Variants in TENM3 observed in about 807,000 individuals in gnomAD.
The protein encoded by TENM3 is teneurin transmembrane protein 3.
Under a neutral mutation model 255.1 loss-of-function variants are expected in TENM3, and 63 were observed. The ratio of observed to expected loss-of-function variants is 0.25; its 90% CI spans 0.20 to 0.30. The LOEUF is 0.30. Among genes scored for constraint, TENM3 ranks in the 10% least tolerant of loss-of-function variants. The pLI is 1.00. For synonymous variants in TENM3, 1,306 were observed against 1,322.3 expected, an observed-to-expected ratio of 0.99 and a Z score of 0.27; for missense variants, 2,929 against 3,461.1, an observed-to-expected ratio of 0.85 and a Z score of 3.86.
intron 1 of TENM3, among the ~76,000 whole-genome samples, chr4:182,226,879 T>C (rs147407846): frequency 1.6e-4 from 24 of 152,334 alleles, no homozygotes; most frequent in African/African-American, 5.8e-4. Flanking sequence ...GATATTCACC[T>C]GACCCATACA....
intron 5 of TENM3, among the ~76,000 whole-genome samples, chr4:182,643,619 G>T (rs1752499950): frequency 6.6e-6 from 1 of 152,152 alleles, no homozygotes; most frequent in Non-Finnish European, 1.5e-5. Flanking sequence ...CCAGAATTCA[G>T]ACAGGGACTC....
chr4:181,712,679 A>G, the TENM3 span, among the ~76,000 whole-genome samples: 2 of 152,224 alleles, frequency 1.3e-5, no homozygotes, highest in African/African-American at 4.8e-5. Context: ...GATAGAATTA[A>G]TAAGTGCAGT....
intron 3 of TENM3, among the ~76,000 whole-genome samples, chr4:182,482,044 A>G (rs73872412): frequency 0.023 from 3,570 of 152,264 alleles, 138 homozygotes; most frequent in African/African-American, 0.079. Flanking sequence ...TTTAAATGCA[A>G]TGTTAATTAA....
chr4:181,691,588 TG>T, the TENM3 span, among the ~76,000 whole-genome samples: 94 of 152,236 alleles, frequency 6.2e-4, no homozygotes, highest in African/African-American at 2.0e-3. Flanking sequence ...ATAGGGTAAA[TG>T]GGTTTTATAC....
chr4:182,264,383 T>C lies in TENM3; in HGVS notation c.-76+20907T>C, dbSNP rs189508792. Reference sequence around the variant, plus strand: ...CACGTTGTTTTATGTCCTTGGGAACTTTACATTTTAACCACGTGGCGGTAC... The same window carrying C: ...CACGTTGTTTTATGTCCTTGGGAACCTTACATTTTAACCACGTGGCGGTAC... On this transcript the variant is annotated intron_variant, in intron 1 of 27. Coordinates refer to ENST00000511685, the MANE Select transcript of TENM3 (RefSeq NM_001080477.4). 3.3e-5 allele frequency among the ~76,000 whole-genome samples: 5 copies of C among 152,354 alleles called. No homozygotes were observed. In the East Asian group the frequency reaches 9.6e-4, roughly 29 times the overall value.
At chr4:182,732,033 G>A (rs1052151227) in intron 16 of TENM3, among the ~76,000 whole-genome samples, 68 of 151,830 alleles carry the variant, frequency 4.5e-4, no homozygotes, top group African/African-American at 1.3e-3. Context: ...CGCCCACCTT[G>A]ACCTCCCAAA....
chr4:182,650,569 T>C (rs1753163124), intron 5 of TENM3, among the ~76,000 whole-genome samples: 2 of 149,858 alleles, frequency 1.3e-5, no homozygotes, highest in African/African-American at 4.9e-5. Flanking sequence ...TTGACTTTCA[T>C]GAGTTTGCTG....
At chr4:181,920,239 G>A in the TENM3 span, among the ~76,000 whole-genome samples, 2 of 152,000 alleles carry the variant, frequency 1.3e-5, no homozygotes, top group East Asian at 3.9e-4. Context: ...AGTCCTTTGG[G>A]TATATACCCA....
At chr4:182,199,835 C>T (rs1381994001) in intron 1 of TENM3, among the ~76,000 whole-genome samples, 1 of 144,560 alleles carries the variant, frequency 6.9e-6, no homozygotes, top group Non-Finnish European at 1.5e-5. Context: ...CATATGATTT[C>T]TCCCACCTCA....
chr4:182,017,197 C>A, the TENM3 span, among the ~76,000 whole-genome samples: 1 of 152,260 alleles, frequency 6.6e-6, no homozygotes, highest in African/African-American at 2.4e-5. Context: ...CTGTTCCCAT[C>A]CACACCCTGC....
chr4:181,766,993 C>G, the TENM3 span, among the ~76,000 whole-genome samples: 1 of 150,946 alleles, frequency 6.6e-6, no homozygotes, highest in Non-Finnish European at 1.5e-5. Flanking sequence ...TGGCTCACGC[C>G]TGTAATCCCA....
chr4:182,226,152 G>A (rs775859703), intron 1 of TENM3, among the ~76,000 whole-genome samples: 6 of 152,146 alleles, frequency 3.9e-5, no homozygotes, highest in South Asian at 4.1e-4. Context: ...AGCAAAGACC[G>A]AAAAGCTGGG....
intron 16 of TENM3, among the ~76,000 whole-genome samples, chr4:182,734,110 T>C (rs79810864): frequency 0.015 from 2,342 of 152,284 alleles, 70 homozygotes; most frequent in African/African-American, 0.054. Flanking sequence ...AAGATTTTAA[T>C]GAAGAATGAT....
At chr4:182,079,364 A>T in the TENM3 span, among the ~76,000 whole-genome samples, 1 of 152,118 alleles carries the variant, frequency 6.6e-6, no homozygotes, top group Non-Finnish European at 1.5e-5. Context: ...AAAATACAAA[A>T]AATTAGCCGG....
the TENM3 span, among the ~76,000 whole-genome samples, chr4:182,029,225 G>A: frequency 6.6e-6 from 1 of 151,984 alleles, no homozygotes; most frequent in Non-Finnish European, 1.5e-5. Flanking sequence ...AACCATTCAT[G>A]AGATCAGGGG....
the TENM3 span, among the ~76,000 whole-genome samples, chr4:181,814,665 A>C: frequency 2.0e-5 from 3 of 152,068 alleles, no homozygotes; most frequent in Non-Finnish European, 4.4e-5. Flanking sequence ...GCCTTAACAC[A>C]TTTTTTAAAG....
chr4:182,140,265 G>A (rs914062355), upstream of TENM3, among the ~76,000 whole-genome samples: 3 of 152,176 alleles, frequency 2.0e-5, no homozygotes, highest in Admixed American at 6.5e-5. Context: ...TTGCTCAGTG[G>A]CTACCAGCCT....
chr4:181,692,388 G>A, the TENM3 span, among the ~76,000 whole-genome samples: 2 of 152,150 alleles, frequency 1.3e-5, no homozygotes, highest in Non-Finnish European at 2.9e-5. Context: ...AGAGCATTAC[G>A]TGTGTCATGT....
chr4:182,679,591 A>G (rs1755951083), intron 7 of TENM3, 75 bp from the exon 8 acceptor site: 1 of 1,156,238 alleles, frequency 8.6e-7, no homozygotes, highest in East Asian at 2.5e-5. Context: ...AGGAAGACAG[A>G]TTGAAGAGAA....
Sources: allele counts gnomAD v4.1 joint callset (sites outside exome capture counted in the v4.1 genomes callset), GRCh38; gene constraint gnomAD v4.1.1; transcripts MANE v1.5; gene names NCBI Gene and HGNC (gene_info 2026-07-23, HGNC 2026-07-21).